PARVA: variants seen among roughly 807,000 people sequenced by gnomAD.
PARVA encodes parvin alpha.
A neutral mutation model predicts 52.6 loss-of-function variants in PARVA; 25 were observed. The observed-to-expected ratio is 0.48, with a 90% confidence interval of 0.35 to 0.66. The LOEUF is 0.66. PARVA is among the 30% of genes least tolerant of loss of function. The pLI is 0.01. For missense variants in PARVA, 373 were observed against 450.9 expected (o/e 0.83, Z 1.56); for synonymous variants, 185 against 179.1 (o/e 1.03, Z -0.26).
rs553847246 is a variant in PARVA, at chr11:12,400,399, T to C, written c.136+22616T>C. Among the ~76,000 whole-genome samples, 9 of 152,328 alleles carry C rather than the reference T, an allele frequency of 5.9e-5. No homozygotes were observed. The South Asian group carries it at 1.9e-3, about 32-fold the overall frequency. Reference sequence around the variant, plus strand: ...ATAAAAATATATTACTTTGAGTAGATTTCAAACTACTTCAGATTGGAGGGC... The same window carrying C: ...ATAAAAATATATTACTTTGAGTAGACTTCAAACTACTTCAGATTGGAGGGC... On this transcript the variant is annotated intron_variant, in intron 1 of 12. Transcript: ENST00000334956.
chr11:12,489,925 TAGGAG>T (rs1287143156), intron 4 of PARVA, among the ~76,000 whole-genome samples: 2 of 152,110 alleles, frequency 1.3e-5, no homozygotes, highest in African/African-American at 4.8e-5. Context: ...TTTAAAAAGT[TAGGAG>T]AGGCAGCCAG....
chr11:12,478,795 T>A lies in PARVA; in HGVS notation c.400+846T>A, dbSNP rs568745059. 3.3e-5 allele frequency: 5 copies of A among 152,480 alleles called. No homozygotes were observed. The East Asian group carries it at 9.7e-4, about 29-fold the overall frequency. The allele number at this position is 152,480 out of a possible 1,614,324, so 9.4% of individuals were successfully genotyped here. A position where few individuals can be genotyped will look rare whatever the true frequency, so the allele number is the denominator to read the frequency against. On this transcript the variant is annotated intron_variant, in intron 4 of 12. Transcript: ENST00000334956. ...TATTGAAAAAACTTCCAAACTCACT[T>A]CTTTGCTTCCCATCTCACCTCCTCC...
At chr11:12,442,734 G>A (rs1940485113) in intron 1 of PARVA, among the ~76,000 whole-genome samples, 1 of 151,992 alleles carries the variant, frequency 6.6e-6, no homozygotes, top group Non-Finnish European at 1.5e-5. Context: ...GCCTCCCCAC[G>A]AAGCTTCAGG....
chr11:12,423,209 G>T (rs1175381951), intron 1 of PARVA, among the ~76,000 whole-genome samples: 2 of 149,920 alleles, frequency 1.3e-5, no homozygotes, highest in African/African-American at 4.9e-5. Flanking sequence ...TTGAGACGGG[G>T]TCTTGCTTAC....
intron 12 of PARVA, among the ~76,000 whole-genome samples, chr11:12,519,317 C>T (rs1340912531): frequency 3.3e-5 from 5 of 152,210 alleles, no homozygotes; most frequent in Non-Finnish European, 2.9e-5. Context: ...CCTGCCTCTG[C>T]TCTGAGCTCC....
At chr11:12,419,149 T>C (rs972564853) in intron 1 of PARVA, among the ~76,000 whole-genome samples, 6 of 152,220 alleles carry the variant, frequency 3.9e-5, no homozygotes, top group Non-Finnish European at 8.8e-5. Context: ...ATAACTTAAA[T>C]TCTTAACCAT....
At chr11:12,508,461 T>C in intron 6 of PARVA, 123 bp from the exon 7 acceptor site, 1 of 753,776 alleles carries the variant, frequency 1.3e-6, no homozygotes, top group Admixed American at 2.0e-5. Context: ...TATCTTATCT[T>C]GGGTGCATTT....
intron 12 of PARVA, among the ~76,000 whole-genome samples, chr11:12,522,034 G>C (rs11820428): frequency 3.0e-4 from 45 of 152,238 alleles, no homozygotes; most frequent in African/African-American, 1.0e-3. Flanking sequence ...GTTGTTTTTA[G>C]GCCACCAAAT....
At chr11:12,451,782 G>A (rs930253334) in intron 1 of PARVA, among the ~76,000 whole-genome samples, 1 of 152,176 alleles carries the variant, frequency 6.6e-6, no homozygotes, top group African/African-American at 2.4e-5. Context: ...CAGCCTAACA[G>A]TTACATAATA....
chr11:12,487,072 G>T (rs1405812908), intron 4 of PARVA, among the ~76,000 whole-genome samples: 3 of 152,188 alleles, frequency 2.0e-5, no homozygotes, highest in Non-Finnish European at 4.4e-5. Context: ...AAAGGATAGT[G>T]TCAAATAGAG....
rs149937203 is a variant in PARVA at position 12,391,380 on chromosome 11, G to A, written c.136+13597G>A. Among the ~76,000 whole-genome samples, 326 of 152,284 alleles carry A rather than the reference G, an allele frequency of 2.1e-3. 2 individuals are homozygous for A. Among genetic ancestry groups the A allele is most frequent in the African/African-American group, 7.4e-3 (307 of 41,550 alleles). On this transcript the variant is annotated intron_variant, in intron 1 of 12. Coordinates refer to ENST00000334956, the MANE Select transcript of PARVA (RefSeq NM_018222.5). The stretch of plus-strand genomic sequence containing the variant: ...GTTCAGTTTGTGAGATCCCAGTGTC[G>A]CCTCTTCAGATGATATGGCATCAAT...
intron 4 of PARVA, among the ~76,000 whole-genome samples, chr11:12,486,996 T>C (rs1315172588): frequency 6.6e-6 from 1 of 152,054 alleles, no homozygotes; most frequent in Middle Eastern, 3.2e-3. Context: ...GGAAATAACA[T>C]AGGAGCAGTA....
chr11:12,488,240 TATG>T (rs1941187206), intron 4 of PARVA, among the ~76,000 whole-genome samples: 1 of 152,208 alleles, frequency 6.6e-6, no homozygotes, highest in Admixed American at 6.5e-5. Context: ...TCCTAATTAA[TATG>T]ATAAGAAAAT....
chr11:12,517,303 ACCACCCCCCACCCC>A (rs75796904), intron 10 of PARVA, among the ~76,000 whole-genome samples: 10 of 112,480 alleles, frequency 8.9e-5, no homozygotes, highest in South Asian at 3.7e-4. Context: ...AGCCACACTG[ACCACCCCCCACCCC>A]CCACCCCCCA....
At chr11:12,471,696 G>A (rs768789394) in intron 1 of PARVA, among the ~76,000 whole-genome samples, 1 of 152,226 alleles carries the variant, frequency 6.6e-6, no homozygotes, top group African/African-American at 2.4e-5. Context: ...GCTGTCTGGT[G>A]TTGTAGGTAC....
chr11:12,453,270 G>A (rs1940649136), intron 1 of PARVA, among the ~76,000 whole-genome samples: 1 of 152,084 alleles, frequency 6.6e-6, no homozygotes, highest in South Asian at 2.1e-4. Context: ...GAGGGAAGGG[G>A]TGAAGATGAA....
intron 8 of PARVA, among the ~76,000 whole-genome samples, chr11:12,512,476 G>A (rs1941514494): frequency 1.3e-5 from 2 of 152,000 alleles, no homozygotes; most frequent in African/African-American, 4.8e-5. Flanking sequence ...GGTTCACCTT[G>A]GAGACCCTTC....
intron 1 of PARVA, among the ~76,000 whole-genome samples, chr11:12,432,974 C>A (rs1430995185): frequency 6.6e-6 from 1 of 152,126 alleles, no homozygotes; most frequent in Non-Finnish European, 1.5e-5. Flanking sequence ...TGTTGCCAGA[C>A]ACGATTTAAA....
At chr11:12,460,210 G>A (rs1175575955) in intron 1 of PARVA, among the ~76,000 whole-genome samples, 1 of 152,126 alleles carries the variant, frequency 6.6e-6, no homozygotes, top group African/African-American at 2.4e-5. Flanking sequence ...GAAAGCAAAT[G>A]TTGCTACATA....
Sources: allele counts gnomAD v4.1 joint callset (sites outside exome capture counted in the v4.1 genomes callset), GRCh38; gene constraint gnomAD v4.1.1; transcripts MANE v1.5; gene names NCBI Gene and HGNC (gene_info 2026-07-23, HGNC 2026-07-21).